SYTL2: variants seen among roughly 807,000 people sequenced by gnomAD.
SYTL2 encodes synaptotagmin like 2, also known as synaptotagmin-like protein 2.
A neutral mutation model predicts 198.7 loss-of-function variants in SYTL2; 165 were observed. That is an observed-to-expected ratio of 0.83 (90% CI 0.73 to 0.94). SYTL2 has a LOEUF of 0.94. SYTL2 is among the 40% of genes least tolerant of loss of function. The pLI is 0.00. For synonymous variants in SYTL2, 966 were observed against 917.7 expected, an observed-to-expected ratio of 1.05 and a Z score of -0.95; for missense variants, 2,835 against 2,582.8, an observed-to-expected ratio of 1.10 and a Z score of -2.12.
intron 1 of SYTL2, among the ~76,000 whole-genome samples, chr11:85,773,032 G>A (rs1332727016): frequency 6.6e-6 from 1 of 152,032 alleles, no homozygotes; most frequent in African/African-American, 2.4e-5. Context: ...AATTTCCTTG[G>A]GAAGGTTCCC....
chr11:85,761,348 C>T (rs546058998), intron 1 of SYTL2, among the ~76,000 whole-genome samples: 13 of 152,048 alleles, frequency 8.5e-5, no homozygotes, highest in Non-Finnish European at 1.5e-4. Flanking sequence ...AACGTGACAG[C>T]GATGAGGAAA....
Position 85,714,462 on chromosome 11 carries a change from T to C in SYTL2, c.5576A>G (p.Asp1859Gly). The C allele has an allele frequency of 2.5e-6, 4 of 1,613,844 alleles. No individual in the cohort carries two copies. Among genetic ancestry groups the C allele is most frequent in the Non-Finnish European group, 3.4e-6 (4 of 1,179,756 alleles). The change falls in exon 12 of 20, where the codon GAC (aspartate) becomes GGC (glycine). Residue 1859 changes from aspartate to glycine, a missense_variant. Physicochemically the swap from Asp to Gly is moderately conservative, Grantham distance 94. Around this residue, in one of 3 missense-constraint regions of SYTL2, gnomAD observed 2,645 missense variants for 2,381.7 expected, o/e 1.11. Coordinates refer to ENST00000359152, the MANE Select transcript of SYTL2 (RefSeq NM_206927.4). ...TQPDNPFSHP[D>G]KLKRMSKSVP... The stretch of plus-strand genomic sequence containing the variant: ...AGACTTGCTCATCCTTTTGAGTTTG[T>C]CAGGGTGAGAAAATGGATTATCAGG...
chr11:85,733,933 T>G lies in SYTL2; in HGVS notation c.1390+6A>C, dbSNP rs1174382946. On this transcript the variant is annotated splice_donor_region_variant and intron_variant, in intron 7 of 19. Coordinates refer to ENST00000359152, the MANE Select transcript of SYTL2 (RefSeq NM_206927.4). Reference sequence around the variant, plus strand: ...TTTTATAATCTAGTAGTGACAACTCTCTTACCAGCAGGGCTTCTGGGTAAT... The same window carrying G: ...TTTTATAATCTAGTAGTGACAACTCGCTTACCAGCAGGGCTTCTGGGTAAT... 8.1e-6 allele frequency: 13 copies of G among 1,612,848 alleles called. No homozygotes were observed. Among genetic ancestry groups the G allele is most frequent in the Middle Eastern group, 3.3e-4 (2 of 6,084 alleles).
intron 7 of SYTL2, among the ~76,000 whole-genome samples, chr11:85,731,498 TAATA>T (rs754231603): frequency 3.2e-4 from 48 of 152,316 alleles, no homozygotes; most frequent in Non-Finnish European, 5.9e-4. Context: ...ATTCCCTATT[TAATA>T]AATGGTGTTG....
intron 1 of SYTL2, among the ~76,000 whole-genome samples, chr11:85,764,900 G>C (rs2092198656): frequency 6.6e-6 from 1 of 152,188 alleles, no homozygotes; most frequent in Non-Finnish European, 1.5e-5. Context: ...TATATGCTTA[G>C]GCTCAATCAA....
chr11:85,805,207 A>G (rs1386694229), intron 1 of SYTL2, among the ~76,000 whole-genome samples: 1 of 151,874 alleles, frequency 6.6e-6, no homozygotes, highest in East Asian at 1.9e-4. Context: ...TAAAAGAAAA[A>G]GGGCCGAGTG....
intron 11 of SYTL2, chr11:85,716,808 A>G (rs1449414106): frequency 6.6e-6 from 1 of 152,080 alleles, no homozygotes; most frequent in Non-Finnish European, 1.5e-5. Context: ...GTCACAGCTA[A>G]GTAGAGTAAT....
the SYTL2 span, chr11:85,854,744 A>G: frequency 6.6e-6 from 1 of 152,330 alleles, no homozygotes; most frequent in African/African-American, 2.4e-5. Flanking sequence ...GGAAAGCGCC[A>G]CCGAGTCCAG....
rs574578671 is a variant in SYTL2, at chr11:85,794,198, A to G, written c.-390+16756T>C. On this transcript the variant is annotated intron_variant, in intron 1 of 19. Coordinates refer to ENST00000359152, the MANE Select transcript of SYTL2 (RefSeq NM_206927.4). ...TTTAAATTTTTTTTTCTTTTTTTAG[A>G]GACAGGGCCTCTTTCTGTCACCCAG... Among the ~76,000 whole-genome samples the G allele has an allele frequency of 3.0e-4, 45 of 151,814 alleles. 1 individual carries two copies. Among genetic ancestry groups the G allele is most frequent in the African/African-American group, 9.7e-4 (40 of 41,376 alleles).
At chr11:85,841,658 G>A in the SYTL2 span, among the ~76,000 whole-genome samples, 1 of 152,120 alleles carries the variant, frequency 6.6e-6, no homozygotes, top group Admixed American at 6.5e-5. Flanking sequence ...AAGACACACT[G>A]GAGCCTATCA....
intron 11 of SYTL2, chr11:85,715,226 G>A (rs1182955442): frequency 6.6e-6 from 1 of 151,964 alleles, no homozygotes; most frequent in African/African-American, 2.4e-5. Context: ...TACAAGAAGA[G>A]GATAAATTAT....
chr11:85,791,768 T>C (rs547532768), intron 1 of SYTL2, among the ~76,000 whole-genome samples: 2 of 152,182 alleles, frequency 1.3e-5, no homozygotes, highest in African/African-American at 4.8e-5. Flanking sequence ...AGCAAGATGT[T>C]TGGAATAACT....
rs758516578 is a variant in SYTL2, at chr11:85,745,785, A to G, written c.254-13T>C. Reference sequence around the variant, plus strand: ...TTACTCTGCTCAGCTGAAACAGGAAACAGTAAAGACAGGAAGGTTATCTCT... The same window carrying G: ...TTACTCTGCTCAGCTGAAACAGGAAGCAGTAAAGACAGGAAGGTTATCTCT... On this transcript the variant is annotated splice_polypyrimidine_tract_variant and intron_variant, in intron 3 of 19. Coordinates refer to ENST00000359152, the MANE Select transcript of SYTL2 (RefSeq NM_206927.4). 2.5e-5 allele frequency: 40 copies of G among 1,602,288 alleles called. 1 individual carries two copies. Among genetic ancestry groups the G allele is most frequent in the Admixed American group, 6.7e-5 (4 of 59,810 alleles).
upstream of SYTL2, among the ~76,000 whole-genome samples, chr11:85,816,121 C>A (rs1239291044): frequency 6.6e-6 from 1 of 152,026 alleles, no homozygotes; most frequent in Non-Finnish European, 1.5e-5. Flanking sequence ...GCCGAGATCA[C>A]GCCACTGCAT....
chr11:85,726,074 G>A lies in SYTL2; in HGVS notation c.3284C>T (p.Thr1095Met), dbSNP rs114177971. 1.0e-4 allele frequency: 165 copies of A among 1,613,232 alleles called. No individual in the cohort carries two copies. Among genetic ancestry groups the A allele is most frequent in the South Asian group, 6.1e-4 (55 of 90,882 alleles). ...ESSKENVEKN[T>M]EGIVTPVFKE... ...AAACACTGGAGTAACAATCCCTTCC[G>A]TATTCTTTTCCACATTTTCCTTTGA... The change falls in exon 8 of 20, where the codon ACG becomes ATG. Residue 1095 changes from threonine (T) to methionine (M), a missense_variant. This residue lies in a region of SYTL2 where 2,645 missense variants were observed against 2,381.7 expected (regional missense o/e 1.11). Coordinates refer to ENST00000359152, the MANE Select transcript of SYTL2 (RefSeq NM_206927.4).
At chr11:85,757,525 G>T in intron 2 of SYTL2, 100 bp downstream of exon 2, 1 of 1,338,520 alleles carries the variant, frequency 7.5e-7, no homozygotes, top group Non-Finnish European at 1.0e-6. Flanking sequence ...CAGTCTTCGA[G>T]TCAGAACTAC....
intron 1 of SYTL2, among the ~76,000 whole-genome samples, chr11:85,759,295 A>G (rs1011036633): frequency 2.6e-5 from 4 of 152,012 alleles, no homozygotes; most frequent in Admixed American, 2.0e-4. Flanking sequence ...GCCCCACTTA[A>G]GAATAAAACA....
upstream of SYTL2, among the ~76,000 whole-genome samples, chr11:85,815,277 C>T (rs2093060046): frequency 6.6e-6 from 1 of 152,134 alleles, no homozygotes. Context: ...TTCTTAACCA[C>T]CAGAAATTGT....
the SYTL2 span, among the ~76,000 whole-genome samples, chr11:85,817,109 T>A: frequency 2.0e-5 from 3 of 152,176 alleles, no homozygotes; most frequent in Non-Finnish European, 2.9e-5. Flanking sequence ...ACTAACTTTT[T>A]AAAATAATCC....
Sources: gnomAD v4.1 joint callset for allele counts (sites outside exome capture counted in the v4.1 genomes callset) on GRCh38, gnomAD v4.1.1 for gene constraint, gnomAD v4.1.1 regional missense constraint, MANE v1.5 for transcripts, NCBI Gene and HGNC (gene_info 2026-07-23, HGNC 2026-07-21) for gene names.